Variants in NSUN7 observed in about 807,000 individuals in gnomAD.
NSUN7 encodes NOP2/Sun RNA methyltransferase family member 7, also known as protein NSUN7.
A neutral mutation model predicts 58.5 loss-of-function variants in NSUN7; 39 were observed. The ratio of observed to expected loss-of-function variants is 0.67; its 90% CI spans 0.52 to 0.87. The LOEUF (loss-of-function observed/expected upper bound fraction) is 0.87. NSUN7 is among the 40% of genes least tolerant of loss of function. NSUN7 has a pLI of 0.00. For synonymous variants in NSUN7, 278 were observed against 303.7 expected, an observed-to-expected ratio of 0.92 and a Z score of 0.88; for missense variants, 765 against 844.1, an observed-to-expected ratio of 0.91 and a Z score of 1.16.
chr4:40,777,641 C>T (rs1742335887), intron 7 of NSUN7, among the ~76,000 whole-genome samples: 1 of 152,192 alleles, frequency 6.6e-6, no homozygotes, highest in Non-Finnish European at 1.5e-5. Flanking sequence ...TTTTCTAATG[C>T]AATATCTACC....
chr4:40,788,042 T>C (rs768212500), intron 7 of NSUN7, among the ~76,000 whole-genome samples: 9 of 151,782 alleles, frequency 5.9e-5, no homozygotes, highest in Non-Finnish European at 1.2e-4. Flanking sequence ...ACCATGTTGG[T>C]CAGGCTGGTC....
intron 7 of NSUN7, among the ~76,000 whole-genome samples, chr4:40,787,947 GC>G (rs1383786099): frequency 1.3e-5 from 2 of 152,164 alleles, no homozygotes; most frequent in Non-Finnish European, 2.9e-5. Context: ...CAATTCTCCT[GC>G]CTCACCCTCC....
At chr4:40,787,571 G>A (rs1008962565) in intron 7 of NSUN7, among the ~76,000 whole-genome samples, 8 of 152,048 alleles carry the variant, frequency 5.3e-5, no homozygotes, top group Non-Finnish European at 2.9e-5. Flanking sequence ...TGCCAAAACT[G>A]AGAAATAGTT....
At chr4:40,804,708 C>G (rs1195099717) in intron 10 of NSUN7, among the ~76,000 whole-genome samples, 1 of 152,046 alleles carries the variant, frequency 6.6e-6, no homozygotes, top group African/African-American at 2.4e-5. Flanking sequence ...CATGAGAGGT[C>G]TTAGTGTGCA....
At chr4:40,787,013 A>G (rs1348360709) in intron 7 of NSUN7, among the ~76,000 whole-genome samples, 2 of 151,250 alleles carry the variant, frequency 1.3e-5, no homozygotes, top group Admixed American at 6.6e-5. Context: ...GCCTGAAGTT[A>G]GTGAAATAAA....
chr4:40,776,803 C>T (rs1306584861), intron 7 of NSUN7, among the ~76,000 whole-genome samples: 1 of 151,886 alleles, frequency 6.6e-6, no homozygotes, highest in Non-Finnish European at 1.5e-5. Context: ...TTTTGTAGAG[C>T]CAAGGTTTTG....
rs761448412 is a variant in NSUN7 at position 40,799,073 on chromosome 4, C to CTTTTTTT, written c.1400+192_1400+198dup. Among the ~76,000 whole-genome samples, 579 of 76,086 alleles carry CTTTTTTT rather than the reference C, an allele frequency of 7.6e-3. 143 individuals are homozygous for CTTTTTTT. Among genetic ancestry groups the CTTTTTTT allele is most frequent in the African/African-American group, 0.02 (407 of 20,068 alleles). 49.9% of individuals were successfully genotyped at this position (76,086 alleles called of 152,430 possible). On this transcript the variant is annotated intron_variant, in intron 10 of 11. Coordinates refer to ENST00000381782, the MANE Select transcript of NSUN7 (RefSeq NM_024677.6). ...AACCAAGATTCCATAGGGCCTTTTT[C>CTTTTTTT]TTTTTTTTTTTTTTTTTTTTTTTTT...
At chr4:40,789,705 A>G (rs73146408) in intron 7 of NSUN7, among the ~76,000 whole-genome samples, 1 of 152,310 alleles carries the variant, frequency 6.6e-6, no homozygotes, top group African/African-American at 2.4e-5. Flanking sequence ...AAGTTTCCCA[A>G]TAAAATGTTT....
intron 2 of NSUN7, among the ~76,000 whole-genome samples, chr4:40,755,842 G>A (rs1741116882): frequency 1.3e-5 from 2 of 152,186 alleles, no homozygotes; most frequent in African/African-American, 4.8e-5. Flanking sequence ...CTAGACGCAA[G>A]CTTCCTATTT....
chr4:40,788,631 A>G (rs1742941979), intron 7 of NSUN7, among the ~76,000 whole-genome samples: 1 of 152,200 alleles, frequency 6.6e-6, no homozygotes, highest in Non-Finnish European at 1.5e-5. Flanking sequence ...AGACTGGAAG[A>G]GGAAGAAGAA....
chr4:40,807,576 G>A (rs1245558329), intron 11 of NSUN7, among the ~76,000 whole-genome samples: 1 of 151,632 alleles, frequency 6.6e-6, no homozygotes, highest in Non-Finnish European at 1.5e-5. Flanking sequence ...TCTTGAACTC[G>A]ACTTCATGAT....
At chr4:40,762,049 T>C (rs1027602349) in intron 4 of NSUN7, among the ~76,000 whole-genome samples, 2 of 152,226 alleles carry the variant, frequency 1.3e-5, no homozygotes, top group African/African-American at 4.8e-5. Context: ...AGATTAATGC[T>C]ATTATAAAAA....
In NSUN7 at chr4:40,808,855, C is replaced by A; in HGVS notation, c.2073C>A (p.Pro691=). ...APKALVPTCL[P]THSLSRKEEK... ...AGGCACTTGTGCCCACCTGCCTTCC[C>A]ACACACTCACTATCCAGAAAAGAGG... Residue 691 remains proline (P), a synonymous_variant, in exon 12 of 12, where the codon CCC becomes CCA. Transcript: ENST00000381782. 1 of 1,549,074 alleles carries A rather than the reference C, an allele frequency of 6.5e-7. No individual in the cohort carries two copies. Among genetic ancestry groups the A allele is most frequent in the Non-Finnish European group, 8.7e-7 (1 of 1,146,766 alleles).
rs76146452 is a variant in NSUN7, at chr4:40,796,988, G to A, written c.1283-1799G>A. On this transcript the variant is annotated intron_variant, in intron 9 of 11. Coordinates refer to ENST00000381782, the MANE Select transcript of NSUN7 (RefSeq NM_024677.6). ...TTCACTCCTGCCACTAAACTGAAAC[G>A]GTCCTGTGAAGATCGCCAGTGATCC... Among the ~76,000 whole-genome samples the A allele has an allele frequency of 1.4e-3, 215 of 152,216 alleles. 2 individuals carry two copies. In the East Asian group the frequency reaches 0.021, roughly 15 times the overall value.
intron 8 of NSUN7, 33 bp downstream of exon 8, chr4:40,790,778 A>G (rs370313758): frequency 1.4e-6 from 2 of 1,445,142 alleles, no homozygotes; most frequent in Non-Finnish European, 1.9e-6. Flanking sequence ...TATTGAAATT[A>G]GTTGACAGTT....
chr4:40,794,871 T>G (rs1743250277), intron 9 of NSUN7, among the ~76,000 whole-genome samples: 1 of 152,202 alleles, frequency 6.6e-6, no homozygotes, highest in African/African-American at 2.4e-5. Flanking sequence ...CTCTTATTTC[T>G]CTTAGTGCTA....
chr4:40,785,865 AAGT>A (rs1742793392), intron 7 of NSUN7, among the ~76,000 whole-genome samples: 1 of 152,250 alleles, frequency 6.6e-6, no homozygotes, highest in African/African-American at 2.4e-5. Context: ...GCATGATAAG[AAGT>A]TAGAAAAATA....
At chr4:40,751,809 A>G (rs1740848289) in intron 2 of NSUN7, among the ~76,000 whole-genome samples, 1 of 152,150 alleles carries the variant, frequency 6.6e-6, no homozygotes. Context: ...GCCTGGGCAT[A>G]TAGTGAGATC....
chr4:40,750,940 G>C lies in NSUN7; in HGVS notation c.247G>C (p.Asp83His). 1 of 1,614,192 alleles carries C rather than the reference G, an allele frequency of 6.2e-7. No homozygotes were observed. The highest frequency in any genetic ancestry group is 1.1e-5 in the South Asian group (1 of 91,084). ...EPLRSLSESE[D>H]QSFQRLSYEL... Reference sequence around the variant, plus strand: ...CCTGCGGTCCTTGTCCGAGTCTGAGGATCAGTCCTTTCAGCGTTTGTCTTA... The same window carrying C: ...CCTGCGGTCCTTGTCCGAGTCTGAGCATCAGTCCTTTCAGCGTTTGTCTTA... Residue 83 changes from aspartate to histidine, a missense_variant, in exon 2 of 12, where the codon GAT becomes CAT. Coordinates refer to ENST00000381782, the MANE Select transcript of NSUN7 (RefSeq NM_024677.6).
Sources: gnomAD v4.1 joint callset for allele counts (sites outside exome capture counted in the v4.1 genomes callset) on GRCh38, gnomAD v4.1.1 for gene constraint, MANE v1.5 for transcripts, NCBI Gene and HGNC (gene_info 2026-07-23, HGNC 2026-07-21) for gene names.